Variants in PTPRN2 observed in about 807,000 individuals in gnomAD.
The protein encoded by PTPRN2 is protein tyrosine phosphatase receptor type N2.
In PTPRN2, 74 loss-of-function variants were observed where a neutral mutation model predicts 118.8. The observed-to-expected ratio is 0.62, with a 90% confidence interval of 0.52 to 0.76. The LOEUF (loss-of-function observed/expected upper bound fraction) is 0.76, where lower values mean the gene tolerates loss of function less well. Ranked by LOEUF, PTPRN2 falls within the 30% of genes least tolerant of loss-of-function variation. PTPRN2 has a pLI of 0.00. For missense variants in PTPRN2, 1,481 were observed against 1,394.4 expected, an observed-to-expected ratio of 1.06 and a Z score of -0.99; for synonymous variants, 641 against 608.0, an observed-to-expected ratio of 1.05 and a Z score of -0.80.
At chr7:157,966,559 TATC>T (rs894068980) in intron 11 of PTPRN2, among the ~76,000 whole-genome samples, 19 of 133,570 alleles carry the variant, frequency 1.4e-4, no homozygotes, top group African/African-American at 4.9e-4. Context: ...CAATTATCAC[TATC>T]ATCATCACCA....
intron 10 of PTPRN2, among the ~76,000 whole-genome samples, chr7:158,088,123 G>T (rs370236517): frequency 6.9e-4 from 28 of 40,478 alleles, no homozygotes; most frequent in Admixed American, 1.4e-3. Context: ...CTTCCCCTGA[G>T]GAAAGGGGGA....
chr7:157,540,861 C>A, intron 22 of PTPRN2, 76 bp from the exon 23 acceptor site: 1 of 1,225,002 alleles, frequency 8.2e-7, no homozygotes, highest in Non-Finnish European at 1.2e-6. Context: ...CGGCTCCCTG[C>A]AGATGAAAGC....
intron 11 of PTPRN2, among the ~76,000 whole-genome samples, chr7:157,952,211 A>T (rs551642031): frequency 6.6e-6 from 1 of 152,182 alleles, no homozygotes; most frequent in South Asian, 2.1e-4. Flanking sequence ...ATGTGCAGCT[A>T]GCCTCGCCAG....
At chr7:157,574,536 G>GAC in intron 19 of PTPRN2, 1 of 293,424 alleles carries the variant, frequency 3.4e-6, no homozygotes, top group Non-Finnish European at 7.9e-6. Context: ...GAGAGAGAGA[G>GAC]TTTTTAAAGC....
In PTPRN2 at chr7:158,509,376, C is replaced by T. The variant is rs1014769684; in HGVS notation, c.113-19591G>A. On this transcript the variant is annotated intron_variant, in intron 1 of 22. Coordinates refer to ENST00000389418, the MANE Select transcript of PTPRN2 (RefSeq NM_002847.5). This position sits in a 1 kb window ranked among gnomAD's most constrained non-coding sequence, Gnocchi z 4.4. ...CCCTCCACCCTGCAGTCAGGGCCAG[C>T]GGGGCTGTCTCAGGCAGCACATCTA... is the stretch of plus-strand genomic sequence containing the variant. Among the ~76,000 whole-genome samples the T allele has an allele frequency of 9.2e-5, 14 of 152,260 alleles. No individual in the cohort carries two copies. Among genetic ancestry groups the T allele is most frequent in the South Asian group, 4.2e-4 (2 of 4,814 alleles).
chr7:158,206,715 T>C (rs1384847387), intron 3 of PTPRN2, among the ~76,000 whole-genome samples: 1 of 152,168 alleles, frequency 6.6e-6, no homozygotes. Flanking sequence ...ATGAAATTAC[T>C]GGGCTTTGAG....
chr7:158,057,491 G>A (rs1809881259), intron 11 of PTPRN2, among the ~76,000 whole-genome samples: 1 of 152,156 alleles, frequency 6.6e-6, no homozygotes, highest in Non-Finnish European at 1.5e-5. Context: ...AATAGCCTCT[G>A]CAGTCTCACC....
Position 157,619,959 on chromosome 7 carries a change from G to A in PTPRN2, c.2344+1403C>T, listed in dbSNP as rs1453840738. Among the ~76,000 whole-genome samples, 1 of 152,208 alleles carries A rather than the reference G, an allele frequency of 6.6e-6. No individual in the cohort carries two copies. Among genetic ancestry groups the A allele is most frequent in the Non-Finnish European group, 1.5e-5 (1 of 68,040 alleles). On this transcript the variant is annotated intron_variant, in intron 15 of 22. Transcript: ENST00000389418. This position sits in a 1 kb window ranked among gnomAD's most constrained non-coding sequence, Gnocchi z 5.3. ...CTCGGCCACAGGGGACACTGGTCCC[G>A]CCTGATGCTGAGCTGAAAGTGAGTG... is the stretch of plus-strand genomic sequence containing the variant.
chr7:157,816,240 C>T (rs912850501), intron 12 of PTPRN2, among the ~76,000 whole-genome samples: 5 of 152,304 alleles, frequency 3.3e-5, no homozygotes, highest in South Asian at 2.1e-4. Context: ...GCTGCTGCCC[C>T]GTGCCTGCCC....
At chr7:158,073,372 C>A (rs1240712077) in intron 11 of PTPRN2, among the ~76,000 whole-genome samples, 1 of 152,172 alleles carries the variant, frequency 6.6e-6, no homozygotes, top group Non-Finnish European at 1.5e-5. Flanking sequence ...TCCAGGTGCC[C>A]GGGGGAGGGT....
chr7:158,572,132 C>T (rs1269516082), intron 1 of PTPRN2, among the ~76,000 whole-genome samples: 1 of 152,302 alleles, frequency 6.6e-6, no homozygotes, highest in African/African-American at 2.4e-5. Context: ...CTCTGTCTTG[C>T]TCGTGTTTGC....
chr7:158,313,126 CTGTG>C (rs773623474), intron 3 of PTPRN2, among the ~76,000 whole-genome samples: 2 of 151,302 alleles, frequency 1.3e-5, no homozygotes, highest in African/African-American at 4.8e-5. Flanking sequence ...GCAAATGTGT[CTGTG>C]TCTACACGTG....
chr7:157,781,491 C>T (rs2151053691), intron 12 of PTPRN2, among the ~76,000 whole-genome samples: 1 of 152,306 alleles, frequency 6.6e-6, no homozygotes, highest in South Asian at 2.1e-4. Flanking sequence ...TGGGTCTGCT[C>T]TCAGACTTCA....
chr7:158,019,937 T>G (rs752626106), intron 11 of PTPRN2, among the ~76,000 whole-genome samples: 5 of 152,236 alleles, frequency 3.3e-5, no homozygotes, highest in Non-Finnish European at 4.4e-5. Context: ...CAGACATCCC[T>G]GGATCCCAGA....
chr7:157,991,507 G>A lies in PTPRN2; in HGVS notation c.1723+89791C>T, dbSNP rs142982769. ...AAACTCACAGAGCCCTGGTGGCACC[G>A]GGTGCTGCCCGTGCAGGGCACAGAA... On this transcript the variant is annotated intron_variant, in intron 11 of 22. Transcript: ENST00000389418. Among the ~76,000 whole-genome samples the A allele has an allele frequency of 7.0e-4, 107 of 152,296 alleles. 2 individuals are homozygous for A. In the East Asian group the frequency reaches 0.017, roughly 25 times the overall value.
chr7:158,013,731 TCATC>T (rs1218118061), intron 11 of PTPRN2, among the ~76,000 whole-genome samples: 442 of 7,150 alleles, frequency 0.062, 33 homozygotes, highest in Middle Eastern at 0.2. Flanking sequence ...AGCCACCCAC[TCATC>T]CACCCACCCG....
intron 12 of PTPRN2, among the ~76,000 whole-genome samples, chr7:157,807,847 A>T (rs1407322522): frequency 2.6e-5 from 4 of 152,168 alleles, no homozygotes; most frequent in African/African-American, 4.8e-5. Flanking sequence ...GTGTCTGTGG[A>T]GCCTCTCATG....
chr7:157,726,342 G>A (rs1334696291), intron 12 of PTPRN2, among the ~76,000 whole-genome samples: 2 of 145,982 alleles, frequency 1.4e-5, no homozygotes, highest in African/African-American at 5.1e-5. Flanking sequence ...GAGGAGTGTG[G>A]CCATACCCTC....
At chr7:158,216,016 A>G (rs1827931178) in intron 3 of PTPRN2, among the ~76,000 whole-genome samples, 1 of 152,142 alleles carries the variant, frequency 6.6e-6, no homozygotes, top group Admixed American at 6.5e-5. Context: ...ATTAAACACC[A>G]TACTACTGTC....
Sources: gnomAD v4.1 joint callset for allele counts (sites outside exome capture counted in the v4.1 genomes callset) on GRCh38, gnomAD v4.1.1 for gene constraint, Gnocchi (gnomAD v3.1) non-coding constraint, MANE v1.5 for transcripts, NCBI Gene and HGNC (gene_info 2026-07-23, HGNC 2026-07-21) for gene names.